The following GALNT17 variants were observed in gnomAD, a reference collection of about 807,000 sequenced individuals.
GALNT17 encodes polypeptide N-acetylgalactosaminyltransferase 17, also known as UDP-GalNAc:polypeptide N-acetylgalactosaminyltransferase-like 3.
GALNT17 carries 29 observed loss-of-function variants against 63.7 expected under a neutral mutation model. The ratio of observed to expected loss-of-function variants is 0.46; its 90% CI spans 0.34 to 0.62. GALNT17 has a LOEUF of 0.62. Ranked by LOEUF, GALNT17 falls within the 20% of genes least tolerant of loss-of-function variation. The pLI is 0.01. For synonymous variants in GALNT17, 305 were observed against 318.3 expected (o/e 0.96, Z 0.45); for missense variants, 603 against 799.6 (o/e 0.75, Z 2.97).
chr7:71,629,286 A>G (rs902564550), intron 6 of GALNT17, among the ~76,000 whole-genome samples: 1 of 152,092 alleles, frequency 6.6e-6, no homozygotes, highest in African/African-American at 2.4e-5. Flanking sequence ...CCAGCCCACA[A>G]TCCTGCGGGC....
At chr7:71,305,790 C>T (rs572302405) in intron 1 of GALNT17, among the ~76,000 whole-genome samples, 43 of 152,284 alleles carry the variant, frequency 2.8e-4, no homozygotes, top group African/African-American at 9.9e-4. Flanking sequence ...ACTAACTCCA[C>T]GGACTGGCCT....
intron 1 of GALNT17, among the ~76,000 whole-genome samples, chr7:71,318,536 CA>C (rs1222951441): frequency 6.6e-6 from 1 of 151,876 alleles, no homozygotes; most frequent in Non-Finnish European, 1.5e-5. Flanking sequence ...TCTCCTGCCT[CA>C]GCCTCCCGAG....
chr7:71,522,422 C>A (rs546750886), intron 5 of GALNT17, among the ~76,000 whole-genome samples: 5 of 152,276 alleles, frequency 3.3e-5, no homozygotes, highest in Admixed American at 2.0e-4. Context: ...GCTGGGGAAG[C>A]CTCACAATCA....
chr7:71,425,715 G>T (rs1219144403), intron 5 of GALNT17, among the ~76,000 whole-genome samples: 2 of 152,152 alleles, frequency 1.3e-5, no homozygotes, highest in Non-Finnish European at 2.9e-5. Context: ...TTGTTCCCAG[G>T]ATAGCTTTCA....
At chr7:71,294,860 C>T (rs1166023036) in intron 1 of GALNT17, among the ~76,000 whole-genome samples, 4 of 152,044 alleles carry the variant, frequency 2.6e-5, no homozygotes, top group East Asian at 1.9e-4. Context: ...TTCATTTGCC[C>T]CCCTTTTCCA....
chr7:71,467,884 A>G (rs2116603867), intron 5 of GALNT17, among the ~76,000 whole-genome samples: 1 of 152,254 alleles, frequency 6.6e-6, no homozygotes. Context: ...GCCAAGGTGT[A>G]TTGGCTAGTG....
intron 1 of GALNT17, among the ~76,000 whole-genome samples, chr7:71,321,882 C>T (rs1242381808): frequency 1.1e-4 from 8 of 71,574 alleles, no homozygotes; most frequent in Admixed American, 3.1e-4. Flanking sequence ...TTCCTTCCTT[C>T]CTTCCTTCCT....
chr7:71,546,573 C>A (rs990612962), intron 5 of GALNT17, among the ~76,000 whole-genome samples: 1 of 152,166 alleles, frequency 6.6e-6, no homozygotes, highest in South Asian at 2.1e-4. Context: ...ACCATCTGAA[C>A]GTCAAAGGGA....
chr7:71,355,611 C>A (rs1396621895), intron 2 of GALNT17, among the ~76,000 whole-genome samples: 2 of 152,108 alleles, frequency 1.3e-5, no homozygotes, highest in African/African-American at 2.4e-5. Context: ...CGGCCCACTG[C>A]AACCTCTGCT....
rs75426457 is a variant in GALNT17, at chr7:71,662,519, C to G, written c.1081-2892C>G. ...ATGTTTTCATCACCCTAAAAAGAAC[C>G]ACCAAACCCATTAGCAGTCACTCTA... On this transcript the variant is annotated intron_variant, in intron 6 of 10. Coordinates refer to ENST00000333538, the MANE Select transcript of GALNT17 (RefSeq NM_022479.3). 2.7e-3 allele frequency among the ~76,000 whole-genome samples: 410 copies of G among 152,158 alleles called. 2 individuals carry two copies. The highest frequency in any genetic ancestry group is 9.3e-3 in the African/African-American group (385 of 41,524).
chr7:71,702,849 G>A (rs893437205), intron 9 of GALNT17, among the ~76,000 whole-genome samples: 4 of 152,172 alleles, frequency 2.6e-5, no homozygotes, highest in Non-Finnish European at 5.9e-5. Flanking sequence ...TTTGGCCTAA[G>A]CAACTGTAAG....
intron 6 of GALNT17, among the ~76,000 whole-genome samples, chr7:71,636,045 AGCCTTATTT>A (rs1476935711): frequency 3.3e-5 from 5 of 152,192 alleles, no homozygotes; most frequent in African/African-American, 1.2e-4. Flanking sequence ...AGTGGGTCTC[AGCCTTATTT>A]TACCCAGCCC....
chr7:71,329,465 C>T (rs1002113748), intron 1 of GALNT17, among the ~76,000 whole-genome samples: 1 of 152,086 alleles, frequency 6.6e-6, no homozygotes, highest in African/African-American at 2.4e-5. Flanking sequence ...TGGAGCGTGT[C>T]TGTATTAGTC....
chr7:71,626,460 G>A (rs910365499), intron 6 of GALNT17, among the ~76,000 whole-genome samples: 40 of 152,208 alleles, frequency 2.6e-4, no homozygotes, highest in Non-Finnish European at 4.3e-4. Flanking sequence ...AGCCCTAGCA[G>A]ACTATACACA....
chr7:71,134,252 TA>T (rs1345017712), intron 1 of GALNT17, among the ~76,000 whole-genome samples: 1 of 152,192 alleles, frequency 6.6e-6, no homozygotes, highest in Non-Finnish European at 1.5e-5. Context: ...CTTGACCTCT[TA>T]GGCTCAAACT....
intron 2 of GALNT17, among the ~76,000 whole-genome samples, chr7:71,373,020 T>C (rs1040995508): frequency 5.3e-5 from 8 of 152,202 alleles, no homozygotes; most frequent in Non-Finnish European, 1.0e-4. Flanking sequence ...TGCTTCTTTA[T>C]GCATTGCGTG....
At chr7:71,245,542 T>C (rs1022635784) in intron 1 of GALNT17, among the ~76,000 whole-genome samples, 1 of 152,164 alleles carries the variant, frequency 6.6e-6, no homozygotes, top group African/African-American at 2.4e-5. Context: ...AATGCTTTGC[T>C]GTGAAAGAGT....
At chr7:71,503,376 G>T (rs1223597717) in intron 5 of GALNT17, among the ~76,000 whole-genome samples, 1 of 152,082 alleles carries the variant, frequency 6.6e-6, no homozygotes. Flanking sequence ...GAGTAGCTGG[G>T]ACTACAGGCA....
At chr7:71,345,147 G>GTTTTTTTTTTTTTT (rs67919212) in intron 2 of GALNT17, among the ~76,000 whole-genome samples, 2 of 139,458 alleles carry the variant, frequency 1.4e-5, no homozygotes, top group South Asian at 2.3e-4. Flanking sequence ...GTTGTTTTTT[G>GTTTTTTTTTTTTTT]TTTTTTTTTT....
Sources: allele counts gnomAD v4.1 joint callset (sites outside exome capture counted in the v4.1 genomes callset), GRCh38; gene constraint gnomAD v4.1.1; transcripts MANE v1.5; gene names NCBI Gene and HGNC (gene_info 2026-07-23, HGNC 2026-07-21).